The following TRIM37 variants were observed in gnomAD, a reference collection of about 807,000 sequenced individuals.
The protein encoded by TRIM37 is E3 ubiquitin-protein ligase TRIM37.
Under a neutral mutation model 129.8 loss-of-function variants are expected in TRIM37, and 80 were observed. That is an observed-to-expected ratio of 0.62 (90% CI 0.51 to 0.74). TRIM37 has a LOEUF of 0.74. Among genes scored for constraint, TRIM37 ranks in the 30% least tolerant of loss-of-function variants. The probability of loss-of-function intolerance (pLI) is 0.00; values close to 1 mark genes in which losing one functional copy is unlikely to be tolerated. For synonymous variants in TRIM37, 389 were observed against 387.1 expected, an observed-to-expected ratio of 1.00 and a Z score of -0.06; for missense variants, 1,054 against 1,176.5, an observed-to-expected ratio of 0.90 and a Z score of 1.52.
intron 2 of TRIM37, among the ~76,000 whole-genome samples, chr17:59,096,386 T>C (rs2096577696): frequency 6.6e-6 from 1 of 151,864 alleles, no homozygotes; most frequent in South Asian, 2.1e-4. Context: ...ACCCCGCCTC[T>C]ACTAAAAATA....
rs1420552459 is a variant in TRIM37, at chr17:59,015,792, T to C, written c.2394A>G (p.Pro798=). The C allele has an allele frequency of 1.2e-6, 2 of 1,612,732 alleles. No individual in the cohort carries two copies. Among genetic ancestry groups the C allele is most frequent in the South Asian group, 1.1e-5 (1 of 91,020 alleles). The change falls in exon 21 of 24, where the codon CCA becomes CCG. Residue 798 remains proline, a synonymous_variant. Transcript: ENST00000262294. ...GCCTGCTCCCAGACTGAGAGCTTCC[T>C]GGGGAGCCTTCAAAAAAAGGAAGAT... is the stretch of plus-strand genomic sequence containing the variant. ...GDCQTLSEGS[P]GSSQSGSRHS... is the part of the protein sequence containing the mutation.
chr17:58,993,154 G>A (rs768325203), intron 24 of TRIM37, among the ~76,000 whole-genome samples: 1 of 152,112 alleles, frequency 6.6e-6, no homozygotes, highest in Admixed American at 6.5e-5. Flanking sequence ...ACAAGCTCTC[G>A]TCTGCCACCA....
intron 9 of TRIM37, among the ~76,000 whole-genome samples, chr17:59,067,498 AAC>A (rs1377328638): frequency 6.6e-6 from 1 of 152,232 alleles, no homozygotes; most frequent in Non-Finnish European, 1.5e-5. Flanking sequence ...AAAAAGGGAG[AAC>A]CACAAGTATC....
intron 5 of TRIM37, among the ~76,000 whole-genome samples, chr17:59,082,273 A>AAAAAC (rs1000398203): frequency 6.6e-6 from 1 of 152,132 alleles, no homozygotes; most frequent in Admixed American, 6.5e-5. Flanking sequence ...TCTGTCTCAA[A>AAAAAC]AAAACAAAAC....
At chr17:59,004,563 A>T (rs1284894128) in intron 22 of TRIM37, among the ~76,000 whole-genome samples, 1 of 152,198 alleles carries the variant, frequency 6.6e-6, no homozygotes, top group East Asian at 1.9e-4. Context: ...TCACTAACAA[A>T]AAGAGAGCAA....
chr17:59,004,944 T>G (rs2034277913), intron 22 of TRIM37, among the ~76,000 whole-genome samples: 1 of 152,162 alleles, frequency 6.6e-6, no homozygotes, highest in Non-Finnish European at 1.5e-5. Context: ...AAAAACAAAC[T>G]TTCCTGTTCT....
intron 22 of TRIM37, among the ~76,000 whole-genome samples, chr17:59,005,493 C>G (rs2034365237): frequency 6.6e-6 from 1 of 152,160 alleles, no homozygotes; most frequent in African/African-American, 2.4e-5. Flanking sequence ...CCATACTGGC[C>G]AAGCTGGTCT....
chr17:59,044,113 G>A (rs2039528483), intron 16 of TRIM37, among the ~76,000 whole-genome samples: 1 of 152,116 alleles, frequency 6.6e-6, no homozygotes, highest in Admixed American at 6.6e-5. Flanking sequence ...CTAGAACATA[G>A]TAAGGCAACA....
chr17:59,049,964 A>C (rs2040183195), intron 14 of TRIM37, among the ~76,000 whole-genome samples: 1 of 152,230 alleles, frequency 6.6e-6, no homozygotes, highest in African/African-American at 2.4e-5. Flanking sequence ...AGTTTTAAAT[A>C]GCACATTTAA....
intron 24 of TRIM37, among the ~76,000 whole-genome samples, chr17:58,987,215 G>C (rs2031900445): frequency 6.6e-6 from 1 of 152,196 alleles, no homozygotes; most frequent in East Asian, 1.9e-4. Flanking sequence ...AGTAACTGGA[G>C]TTTAACTAAA....
rs536646734 is a variant in TRIM37 at position 59,046,314 on chromosome 17, C to T, written c.1667+1369G>A. Among the ~76,000 whole-genome samples the T allele has an allele frequency of 3.6e-4, 55 of 152,128 alleles. 2 individuals are homozygous for T. The East Asian group carries it at 0.011, about 29-fold the overall frequency. ...AGTGAAGAAACCTGGCGGATGCTAC[C>T]TCAACTAAGTGATCAAAATTAACCA... On this transcript the variant is annotated intron_variant, in intron 16 of 23. Transcript: ENST00000262294.
At chr17:59,106,264 C>A (rs2045979517) in intron 1 of TRIM37, among the ~76,000 whole-genome samples, 177 bp downstream of exon 1, 1 of 152,234 alleles carries the variant, frequency 6.6e-6, no homozygotes, top group Non-Finnish European at 1.5e-5. Context: ...GAGCACAAGA[C>A]ACCCGGAGCG....
chr17:59,089,212 C>T (rs553659709), intron 3 of TRIM37, among the ~76,000 whole-genome samples: 4 of 152,318 alleles, frequency 2.6e-5, no homozygotes, highest in African/African-American at 9.6e-5. Flanking sequence ...CAAGATCATG[C>T]CTCTGCACTC....
At chr17:59,036,717 A>C (rs983833293) in intron 17 of TRIM37, among the ~76,000 whole-genome samples, 15 of 152,146 alleles carry the variant, frequency 9.9e-5, no homozygotes, top group Non-Finnish European at 2.9e-5. Flanking sequence ...ATTTAACTTT[A>C]TACCTAGCTT....
intron 2 of TRIM37, among the ~76,000 whole-genome samples, chr17:59,091,607 A>AAT (rs1212676852): frequency 1.7e-5 from 2 of 119,046 alleles, no homozygotes; most frequent in South Asian, 2.4e-4. Flanking sequence ...TTATATATAT[A>AAT]ATATATATAT....
chr17:59,082,831 T>C (rs1233124908), intron 5 of TRIM37, among the ~76,000 whole-genome samples: 1 of 152,178 alleles, frequency 6.6e-6, no homozygotes, highest in Non-Finnish European at 1.5e-5. Flanking sequence ...GAAAAAAACA[T>C]TTCTACTGTC....
At chr17:59,063,687 C>T (rs1299957957) in intron 10 of TRIM37, among the ~76,000 whole-genome samples, 1 of 152,206 alleles carries the variant, frequency 6.6e-6, no homozygotes, top group Admixed American at 6.5e-5. Flanking sequence ...ACATTTCTTA[C>T]AATAATGGCC....
At chr17:58,992,297 TTA>T (rs1242834616) in intron 24 of TRIM37, among the ~76,000 whole-genome samples, 6 of 134,000 alleles carry the variant, frequency 4.5e-5, no homozygotes, top group Admixed American at 7.9e-5. Context: ...TTATATATAT[TTA>T]TATATATATA....
intron 1 of TRIM37, among the ~76,000 whole-genome samples, chr17:59,105,521 T>A (rs528658122): frequency 3.3e-5 from 5 of 152,376 alleles, no homozygotes; most frequent in African/African-American, 1.2e-4. Flanking sequence ...CTTATTGTAT[T>A]GTATACTTTG....
Sources: gnomAD v4.1 joint callset for allele counts (sites outside exome capture counted in the v4.1 genomes callset) on GRCh38, gnomAD v4.1.1 for gene constraint, MANE v1.5 for transcripts, NCBI Gene and HGNC (gene_info 2026-07-23, HGNC 2026-07-21) for gene names.